NADK2: variants seen among roughly 807,000 people sequenced by gnomAD.
NADK2 encodes the protein NAD kinase 2, mitochondrial, also known as NAD kinase domain-containing protein 1, mitochondrial.
In NADK2, 35 loss-of-function variants were observed where a neutral mutation model predicts 62.1. That is an observed-to-expected ratio of 0.56 (90% CI 0.43 to 0.75). The LOEUF is 0.75. Ranked by LOEUF, NADK2 falls within the 30% of genes least tolerant of loss-of-function variation. The probability of loss-of-function intolerance (pLI) is 0.00; values close to 1 mark genes in which losing one functional copy is unlikely to be tolerated. For synonymous variants in NADK2, 205 were observed against 207.9 expected, an observed-to-expected ratio of 0.99 and a Z score of 0.12; for missense variants, 439 against 561.3, an observed-to-expected ratio of 0.78 and a Z score of 2.20.
chr5:36,241,546 G>C lies in NADK2; in HGVS notation c.253C>G (p.Gln85Glu), dbSNP rs760439687. The C allele has an allele frequency of 6.4e-7, 1 of 1,569,158 alleles. No homozygotes were observed. Among genetic ancestry groups the C allele is most frequent in the Non-Finnish European group, 8.6e-7 (1 of 1,166,686 alleles). Reference protein sequence around the residue: ...AKTTRYEFEQQRYRYAELSEE... With the variant: ...AKTTRYEFEQERYRYAELSEE... ...GAGAGCTCCGCGTAACGGTACCGCT[G>C]CTGCTCGAACTCGTACCGGGTGGTT... The change falls in exon 1 of 12, where the codon CAG becomes GAG. Residue 85 changes from glutamine to glutamate, a missense_variant. By Grantham distance (29) the Gln-to-Glu change is conservative. Coordinates refer to ENST00000381937, the MANE Select transcript of NADK2 (RefSeq NM_001085411.3). This position sits in a 1 kb window ranked among gnomAD's most constrained non-coding sequence, Gnocchi z 4.9.
intron 4 of NADK2, among the ~76,000 whole-genome samples, chr5:36,223,923 GA>G (rs549658176): frequency 6.3e-4 from 96 of 151,472 alleles, no homozygotes; most frequent in African/African-American, 2.2e-3. Context: ...TGAAGGGAGA[GA>G]AAAAAAAGAC....
intron 1 of NADK2, among the ~76,000 whole-genome samples, chr5:36,233,157 T>C (rs145393735): frequency 6.6e-6 from 1 of 152,246 alleles, no homozygotes; most frequent in African/African-American, 2.4e-5. Context: ...ACTGCTTGAG[T>C]TCTGGACAAC....
intron 8 of NADK2, among the ~76,000 whole-genome samples, chr5:36,202,335 A>G (rs998994787): frequency 1.3e-5 from 2 of 152,088 alleles, no homozygotes; most frequent in African/African-American, 4.8e-5. Flanking sequence ...CTGGTAGGGC[A>G]GCATGTATGG....
chr5:36,217,486 A>C (rs1747087857), intron 6 of NADK2, among the ~76,000 whole-genome samples: 2 of 152,048 alleles, frequency 1.3e-5, no homozygotes, highest in Admixed American at 1.3e-4. Context: ...ATCTTTTCTC[A>C]AACATCAACT....
intron 5 of NADK2, among the ~76,000 whole-genome samples, chr5:36,219,197 T>G (rs1473537344): frequency 6.6e-6 from 1 of 152,136 alleles, no homozygotes; most frequent in African/African-American, 2.4e-5. Context: ...ATTATCTGAT[T>G]TGTTCTGGTT....
chr5:36,223,157 AG>A (rs1164019729), intron 4 of NADK2, among the ~76,000 whole-genome samples: 7 of 152,180 alleles, frequency 4.6e-5, no homozygotes, highest in Middle Eastern at 3.2e-3. Context: ...CAAGAAAACC[AG>A]GAGAAGTTTG....
chr5:36,196,041 A>C (rs1483863943), intron 11 of NADK2, among the ~76,000 whole-genome samples: 1 of 152,160 alleles, frequency 6.6e-6, no homozygotes, highest in Non-Finnish European at 1.5e-5. Context: ...CAAAATTTAT[A>C]TCTCTCTTCT....
chr5:36,201,644 AGT>A (rs1367106506), intron 8 of NADK2, among the ~76,000 whole-genome samples: 1 of 152,030 alleles, frequency 6.6e-6, no homozygotes, highest in Non-Finnish European at 1.5e-5. Context: ...GGTATCATAT[AGT>A]GTATATGTTG....
chr5:36,228,711 C>A (rs148855059), intron 1 of NADK2, among the ~76,000 whole-genome samples: 1 of 151,842 alleles, frequency 6.6e-6, no homozygotes, highest in African/African-American at 2.4e-5. Flanking sequence ...CTCTGCCTCC[C>A]GGACTCAAGC....
Position 36,219,593 on chromosome 5 carries a change from T to C in NADK2, c.644+3A>G. 1 of 1,612,088 alleles carries C rather than the reference T, an allele frequency of 6.2e-7. No individual in the cohort carries two copies. Among genetic ancestry groups the C allele is most frequent in the Non-Finnish European group, 8.5e-7 (1 of 1,178,284 alleles). On this transcript the variant is annotated splice_donor_region_variant and intron_variant, in intron 5 of 11. Coordinates refer to ENST00000381937, the MANE Select transcript of NADK2 (RefSeq NM_001085411.3). ...CATAAGAACAACCGTAAGAAATTCC[T>C]ACCTGAACTCACCACGATAGAACTT...
At chr5:36,196,342 G>A (rs1746232576) in intron 11 of NADK2, among the ~76,000 whole-genome samples, 1 of 152,226 alleles carries the variant, frequency 6.6e-6, no homozygotes, top group African/African-American at 2.4e-5. Flanking sequence ...GTATATGGTA[G>A]CGTATTATGT....
chr5:36,241,493 A>C lies in NADK2; in HGVS notation c.300+6T>G. 6.5e-7 allele frequency: 1 copy of C among 1,542,666 alleles called. No homozygotes were observed. The highest frequency in any genetic ancestry group is 8.7e-7 in the Non-Finnish European group (1 of 1,153,178). Reference sequence around the variant, plus strand: ...GGGAGCGAAGCGGGGCCGAGCCAGGACCCACCAGCTGCTTCAGGTCCTCCT... The same window carrying C: ...GGGAGCGAAGCGGGGCCGAGCCAGGCCCCACCAGCTGCTTCAGGTCCTCCT... On this transcript the variant is annotated splice_donor_region_variant and intron_variant, in intron 1 of 11. Coordinates refer to ENST00000381937, the MANE Select transcript of NADK2 (RefSeq NM_001085411.3). This position sits in a 1 kb window ranked among gnomAD's most constrained non-coding sequence, Gnocchi z 4.9.
chr5:36,198,622 T>C (rs962018889), intron 10 of NADK2, among the ~76,000 whole-genome samples: 1 of 148,140 alleles, frequency 6.8e-6, no homozygotes, highest in Non-Finnish European at 1.5e-5. Flanking sequence ...AATATATATA[T>C]ACATCCTTAA....
chr5:36,222,545 G>A (rs551513786), intron 4 of NADK2, among the ~76,000 whole-genome samples: 39 of 152,250 alleles, frequency 2.6e-4, no homozygotes, highest in African/African-American at 9.1e-4. Context: ...AAAGCAAACA[G>A]GCAAGAGACA....
chr5:36,234,011 AT>A (rs930105394), intron 1 of NADK2, among the ~76,000 whole-genome samples: 1 of 152,184 alleles, frequency 6.6e-6, no homozygotes, highest in Non-Finnish European at 1.5e-5. Context: ...TAATTACAAT[AT>A]TTTTTTAATA....
At chr5:36,224,757 G>A (rs899543984) in intron 4 of NADK2, among the ~76,000 whole-genome samples, 3 of 152,064 alleles carry the variant, frequency 2.0e-5, no homozygotes, top group African/African-American at 7.2e-5. Context: ...TGTAGAGATA[G>A]GGAATTCCAG....
chr5:36,239,034 A>T (rs533717124), intron 1 of NADK2, among the ~76,000 whole-genome samples: 6 of 152,114 alleles, frequency 3.9e-5, no homozygotes, highest in Non-Finnish European at 7.4e-5. Context: ...CCTAAAACAG[A>T]CCTGTTTTAC....
rs1453569276 is a variant in NADK2 at position 36,241,379 on chromosome 5, A to T, written c.300+120T>A. The stretch of plus-strand genomic sequence containing the variant: ...AGGACCTGGGGGCCGCGAGAGAGGC[A>T]GGACCGGCATCTGCGGTGCCCTGGG... On this transcript the variant is annotated intron_variant, in intron 1 of 11. Coordinates refer to ENST00000381937, the MANE Select transcript of NADK2 (RefSeq NM_001085411.3). The surrounding 1 kb of genome is among the most constrained non-coding windows in gnomAD (Gnocchi z 4.9). 1 of 1,348,204 alleles carries T rather than the reference A, an allele frequency of 7.4e-7. No homozygotes were observed. Among genetic ancestry groups the T allele is most frequent in the Middle Eastern group, 2.8e-4 (1 of 3,530 alleles). The allele number at this position is 1,348,204 out of a possible 1,614,324, so 83.5% of individuals were successfully genotyped here.
Position 36,217,838 on chromosome 5 carries a change from T to A in NADK2, c.691A>T (p.Ile231Leu). 3 of 1,613,986 alleles carry A rather than the reference T, an allele frequency of 1.9e-6. No homozygotes were observed. Among genetic ancestry groups the A allele is most frequent in the Non-Finnish European group, 2.5e-6 (3 of 1,179,916 alleles). Residue 231 changes from isoleucine to leucine, a missense_variant, in exon 6 of 12, where the codon ATA becomes TTA. Ile to Leu is a conservative substitution (Grantham distance 5). Coordinates refer to ENST00000381937, the MANE Select transcript of NADK2 (RefSeq NM_001085411.3). ...RIRLYLEGTG[I>L]NPVPVDLHEQ... Reference sequence around the variant, plus strand: ...TGAAGGTCCACAGGTACAGGGTTTATGCCAGTCCCTTCAAGGTATAACCTG... The same window carrying A: ...TGAAGGTCCACAGGTACAGGGTTTAAGCCAGTCCCTTCAAGGTATAACCTG...
Sources: gnomAD v4.1 joint callset for allele counts (sites outside exome capture counted in the v4.1 genomes callset) on GRCh38, gnomAD v4.1.1 for gene constraint, Gnocchi (gnomAD v3.1) non-coding constraint, MANE v1.5 for transcripts, NCBI Gene and HGNC (gene_info 2026-07-23, HGNC 2026-07-21) for gene names.